The following B4GALT6 variants were observed in gnomAD, a reference collection of about 807,000 sequenced individuals.
B4GALT6 encodes the protein beta-1,4-galactosyltransferase 6, also known as UDP-Gal:beta-GlcNAc beta-1,4-galactosyltransferase 6.
B4GALT6 carries 14 observed loss-of-function variants against 46.3 expected under a neutral mutation model. The ratio of observed to expected loss-of-function variants is 0.30; its 90% CI spans 0.20 to 0.47. B4GALT6 has a LOEUF of 0.47. Among genes scored for constraint, B4GALT6 ranks in the 20% least tolerant of loss-of-function variants. The pLI, the probability that B4GALT6 is intolerant of heterozygous loss-of-function variation, is 0.99. For synonymous variants in B4GALT6, 168 were observed against 162.0 expected, an observed-to-expected ratio of 1.04 and a Z score of -0.28; for missense variants, 386 against 480.1, an observed-to-expected ratio of 0.80 and a Z score of 1.83.
At chr18:31,653,588 C>T (rs2074102906) in intron 3 of B4GALT6, among the ~76,000 whole-genome samples, 2 of 151,672 alleles carry the variant, frequency 1.3e-5, no homozygotes, top group Non-Finnish European at 2.9e-5. Context: ...ACTACAGGCA[C>T]GCACCACTGC....
chr18:31,672,812 C>G (rs2074371590), intron 1 of B4GALT6, among the ~76,000 whole-genome samples: 1 of 152,176 alleles, frequency 6.6e-6, no homozygotes, highest in Non-Finnish European at 1.5e-5. Flanking sequence ...GAATTCAAAT[C>G]CCAGCAGTGT....
Position 31,645,397 on chromosome 18 carries a change from T to C in B4GALT6, c.429A>G (p.Pro143=). The C allele has an allele frequency of 6.2e-7, 1 of 1,613,936 alleles. No individual in the cohort carries two copies. The highest frequency in any genetic ancestry group is 8.5e-7 in the Non-Finnish European group (1 of 1,179,924). ...QLFSKDLDIE[P]GGHWRPKDCK... Reference sequence around the variant, plus strand: ...AGTCTTTTGGCCTCCAATGACCCCCTGGCTCAATATCTAAATCCTTGGAGA... The same window carrying C: ...AGTCTTTTGGCCTCCAATGACCCCCCGGCTCAATATCTAAATCCTTGGAGA... Residue 143 remains proline, a synonymous_variant, in exon 4 of 9, where the codon CCA becomes CCG. Transcript: ENST00000306851.
chr18:31,659,885 A>T (rs186496880), intron 2 of B4GALT6, among the ~76,000 whole-genome samples: 64 of 152,208 alleles, frequency 4.2e-4, no homozygotes, highest in Admixed American at 9.8e-4. Flanking sequence ...CATATGTCTA[A>T]AAGATTTAAA....
At chr18:31,690,456 TTTTTG>T (rs575582688), upstream of B4GALT6, among the ~76,000 whole-genome samples, 6 of 148,618 alleles carry the variant, frequency 4.0e-5, no homozygotes, top group East Asian at 8.0e-4. Context: ...TATTTTGTTG[TTTTTG>T]TTTTGTTTTG....
chr18:31,628,642 T>C (rs985022109), intron 6 of B4GALT6, among the ~76,000 whole-genome samples: 4 of 152,226 alleles, frequency 2.6e-5, no homozygotes, highest in African/African-American at 9.6e-5. Flanking sequence ...CTGAGTTCTC[T>C]GGTCAGCAGT....
upstream of B4GALT6, among the ~76,000 whole-genome samples, chr18:31,690,024 T>A (rs2030057552): frequency 6.6e-6 from 1 of 152,208 alleles, no homozygotes; most frequent in Non-Finnish European, 1.5e-5. Flanking sequence ...GACACGTGCA[T>A]CTTTATTAAA....
intron 1 of B4GALT6, among the ~76,000 whole-genome samples, chr18:31,682,593 T>C (rs554240149): frequency 6.6e-6 from 1 of 152,256 alleles, no homozygotes; most frequent in South Asian, 2.1e-4. Flanking sequence ...ACAAATAATA[T>C]ACTGACGCAC....
chr18:31,662,580 T>C (rs2074231654), intron 2 of B4GALT6, among the ~76,000 whole-genome samples: 1 of 152,202 alleles, frequency 6.6e-6, no homozygotes, highest in Non-Finnish European at 1.5e-5. Flanking sequence ...TAGTGGCTCA[T>C]GCCTGTAATC....
chr18:31,623,338 C>T lies in B4GALT6; in HGVS notation c.*2276G>A, dbSNP rs907629080. The T allele has an allele frequency of 6.6e-6, 1 of 151,976 alleles. No homozygotes were observed. The highest frequency in any genetic ancestry group is 1.5e-5 in the Non-Finnish European group (1 of 67,758). The allele number at this position is 151,976 out of a possible 1,614,324, so 9.4% of individuals were successfully genotyped here. A position where few individuals can be genotyped will look rare whatever the true frequency, so the allele number is the denominator to read the frequency against. On this transcript the variant is annotated 3_prime_UTR_variant, in exon 9 of 9. Coordinates refer to ENST00000306851, the MANE Select transcript of B4GALT6 (RefSeq NM_004775.5). ...GCAAAACAAACAAACAAAAAGCAAA[C>T]GAGGTGGTTTTCACAGGATGACAAA...
chr18:31,657,745 T>C (rs1259334237), intron 3 of B4GALT6, among the ~76,000 whole-genome samples: 1 of 152,246 alleles, frequency 6.6e-6, no homozygotes, highest in East Asian at 1.9e-4. Context: ...AATATGGGTA[T>C]TTGTCATTTT....
chr18:31,679,276 G>T (rs942751994), intron 1 of B4GALT6, among the ~76,000 whole-genome samples: 6 of 152,206 alleles, frequency 3.9e-5, no homozygotes, highest in African/African-American at 7.2e-5. Context: ...AGATTTCAAT[G>T]AATCAAGTTT....
At chr18:31,676,037 A>T (rs1026866904) in intron 1 of B4GALT6, among the ~76,000 whole-genome samples, 5 of 152,146 alleles carry the variant, frequency 3.3e-5, no homozygotes, top group African/African-American at 1.2e-4. Context: ...TCCAAAGCAT[A>T]TTTTCAAATC....
chr18:31,722,056 C>G, the B4GALT6 span, among the ~76,000 whole-genome samples: 1 of 152,126 alleles, frequency 6.6e-6, no homozygotes, highest in Admixed American at 6.5e-5. Context: ...TGAAATTATG[C>G]ATACACAAGA....
At chr18:31,710,297 T>C in the B4GALT6 span, among the ~76,000 whole-genome samples, 1 of 152,016 alleles carries the variant, frequency 6.6e-6, no homozygotes, top group South Asian at 2.1e-4. Flanking sequence ...AGAAATTCAG[T>C]GATCACATGA....
chr18:31,643,511 C>A (rs1030814501), intron 4 of B4GALT6, among the ~76,000 whole-genome samples: 1 of 152,050 alleles, frequency 6.6e-6, no homozygotes, highest in Admixed American at 6.6e-5. Flanking sequence ...GTTGGCCAGG[C>A]TGGTCTCAAA....
chr18:31,667,963 G>C (rs1380409221), intron 1 of B4GALT6, among the ~76,000 whole-genome samples: 1 of 151,988 alleles, frequency 6.6e-6, no homozygotes, highest in Non-Finnish European at 1.5e-5. Flanking sequence ...TGGACATGGT[G>C]GTGCAAGCCT....
intron 4 of B4GALT6, among the ~76,000 whole-genome samples, chr18:31,644,401 T>C (rs913796483): frequency 1.3e-4 from 20 of 152,268 alleles, no homozygotes; most frequent in African/African-American, 3.6e-4. Flanking sequence ...GTCTTTTTCA[T>C]GAGTTTAACA....
chr18:31,724,628 G>T, the B4GALT6 span: 1 of 1,049,062 alleles, frequency 9.5e-7, no homozygotes. Context: ...GTTCGCTGCT[G>T]CACACTGGGA....
At chr18:31,683,512 C>G (rs1281986305) in intron 1 of B4GALT6, among the ~76,000 whole-genome samples, 1 of 152,168 alleles carries the variant, frequency 6.6e-6, no homozygotes, top group East Asian at 1.9e-4. Flanking sequence ...GCCGCATTGG[C>G]TCCTTTTCAA....
Sources: gnomAD v4.1 joint callset for allele counts (sites outside exome capture counted in the v4.1 genomes callset) on GRCh38, gnomAD v4.1.1 for gene constraint, MANE v1.5 for transcripts, NCBI Gene and HGNC (gene_info 2026-07-23, HGNC 2026-07-21) for gene names.